Variants in PEAR1 observed in about 807,000 individuals in gnomAD.
PEAR1 encodes the protein multiple EGF-like domains protein 12.
Under a neutral mutation model 131.2 loss-of-function variants are expected in PEAR1, and 113 were observed. That is an observed-to-expected ratio of 0.86 (90% CI 0.74 to 1.01). The LOEUF (loss-of-function observed/expected upper bound fraction) is 1.01. PEAR1 is among the 50% of genes least tolerant of loss of function. PEAR1 has a pLI of 0.00. For synonymous variants in PEAR1, 565 were observed against 523.3 expected (o/e 1.08, Z -1.09); for missense variants, 1,408 against 1,391.1 (o/e 1.01, Z -0.19).
intron 5 of PEAR1, 77 bp downstream of exon 5, chr1:156,906,445 C>G (rs6664765): frequency 6.4e-7 from 1 of 1,567,730 alleles, no homozygotes; most frequent in Non-Finnish European, 8.7e-7. Context: ...CCCTCCCTAC[C>G]AGGGCACAGG....
intron 3 of PEAR1, 147 bp from the exon 4 acceptor site, chr1:156,905,177 C>T (rs972365712): frequency 1.2e-5 from 13 of 1,050,004 alleles, no homozygotes; most frequent in African/African-American, 6.4e-5. Context: ...GATCGTAGTG[C>T]ACTGCAACCT....
In PEAR1 at chr1:156,910,030, G is replaced by T. The variant is rs149180095; in HGVS notation, c.1600G>T (p.Ala534Ser). The T allele has an allele frequency of 6.2e-7, 1 of 1,613,912 alleles. No homozygotes were observed. The highest frequency in any genetic ancestry group is 1.3e-5 in the African/African-American group (1 of 75,062). Residue 534 changes from alanine to serine, a missense_variant, in exon 13 of 23, where the codon GCC (alanine) becomes TCC (serine). Coordinates refer to ENST00000292357, the MANE Select transcript of PEAR1 (RefSeq NM_001080471.3). The stretch of plus-strand genomic sequence containing the variant: ...GAAGGGGCAGTTTGGAGAAGGTTGT[G>T]CCAGTCGCTGTGACTGTGACCACTC... ...CPKGQFGEGC[A>S]SRCDCDHSDG...
rs529853975 is a variant in PEAR1 at position 156,906,147 on chromosome 1, A to G, written c.308-129A>G. On this transcript the variant is annotated intron_variant, in intron 4 of 22. Transcript: ENST00000292357. ...GTTGCTGCCCCTCAGTCTTTATCTT[A>G]GAGGCAGAATTGGGGCTTGGAGAAC... 3.1e-5 allele frequency: 23 copies of G among 745,118 alleles called. No individual in the cohort carries two copies. The South Asian group carries it at 3.6e-4, about 12-fold the overall frequency. 46.2% of individuals were successfully genotyped at this position (745,118 alleles called of 1,614,324 possible). A position where few individuals can be genotyped will look rare whatever the true frequency, so the allele number is the denominator to read the frequency against.
chr1:156,895,012 A>G (rs923952650), intron 1 of PEAR1, among the ~76,000 whole-genome samples: 3 of 152,070 alleles, frequency 2.0e-5, no homozygotes, highest in African/African-American at 2.4e-5. Flanking sequence ...CAGCCCTCCT[A>G]TCTCCTGTGT....
chr1:156,910,547 G>A (rs1411818545), intron 14 of PEAR1, 71 bp from the exon 15 acceptor site: 1 of 1,582,984 alleles, frequency 6.3e-7, no homozygotes, highest in Non-Finnish European at 8.6e-7. Flanking sequence ...AAGGTGGGAG[G>A]GAGACGGTGG....
chr1:156,906,943 T>A (rs1423196808), intron 6 of PEAR1, 63 bp downstream of exon 6: 3 of 1,541,420 alleles, frequency 1.9e-6, no homozygotes, highest in Non-Finnish European at 2.6e-6. Flanking sequence ...CAGATCTATG[T>A]GGGGAAATGA....
chr1:156,913,657 A>G (rs908345735), intron 20 of PEAR1, 35 bp from the exon 21 acceptor site: 6 of 1,609,604 alleles, frequency 3.7e-6, no homozygotes, highest in Non-Finnish European at 5.1e-6. Context: ...GGGAGGGGAC[A>G]GAGGGCTGAT....
rs1651846723 is a variant in PEAR1 at position 156,916,206 on chromosome 1, C to T, written c.*1408C>T. On this transcript the variant is annotated 3_prime_UTR_variant, in exon 23 of 23. Transcript: ENST00000292357. ...AAGCAGAGAAATTGAAGATTTGTGT[C>T]AACACTGCTTTAAGCAAATCTGTTG... The T allele has an allele frequency of 2.0e-5, 3 of 152,174 alleles. No homozygotes were observed. The highest frequency in any genetic ancestry group is 7.2e-5 in the African/African-American group (3 of 41,430). 9.4% of individuals were successfully genotyped at this position (152,174 alleles called of 1,614,324 possible).
Position 156,908,828 on chromosome 1 carries a change from C to A in PEAR1, c.1289C>A (p.Thr430Lys). 1 of 1,533,482 alleles carries A rather than the reference C, an allele frequency of 6.5e-7. No individual in the cohort carries two copies. Among genetic ancestry groups the A allele is most frequent in the Non-Finnish European group, 8.8e-7 (1 of 1,136,572 alleles). The allele number at this position is 1,533,482 out of a possible 1,614,324, so 95.0% of individuals were successfully genotyped here. The change falls in exon 10 of 23, where the codon ACG becomes AAG. Residue 430 changes from threonine to lysine, a missense_variant and splice_region_variant. Transcript: ENST00000292357. This position sits in a 1 kb window ranked among gnomAD's most constrained non-coding sequence, Gnocchi z 4.2. ...CTCTGTCAGTGCGCGCCGGGTTACA[C>A]GGTGAGGCGCGCCCGGCTGCAAGGA... ...SGLCQCAPGY[T>K]GPHCASLCPP...
chr1:156,899,117 C>T (rs1298713582), intron 1 of PEAR1, among the ~76,000 whole-genome samples: 3 of 152,172 alleles, frequency 2.0e-5, no homozygotes, highest in Non-Finnish European at 4.4e-5. Flanking sequence ...CTTTGCAGGG[C>T]CCTGAGAGAT....
chr1:156,911,045 C>CTT (rs1491291311), intron 15 of PEAR1, among the ~76,000 whole-genome samples: 128 of 97,870 alleles, frequency 1.3e-3, no homozygotes, highest in Non-Finnish European at 2.1e-3. Context: ...CTTTTTCTTT[C>CTT]TTTCTTTCTT....
intron 1 of PEAR1, among the ~76,000 whole-genome samples, chr1:156,899,864 C>T (rs919428775): frequency 4.6e-5 from 7 of 152,116 alleles, no homozygotes; most frequent in Non-Finnish European, 8.8e-5. Flanking sequence ...TGCTACATGA[C>T]TTCCCAGAGA....
At position 156,908,410 on chromosome 1, in the gene PEAR1, C is replaced by G. The variant is rs1057514390; in HGVS notation, c.1115+70C>G. 44 of 1,433,568 alleles carry G rather than the reference C, an allele frequency of 3.1e-5. No homozygotes were observed. The highest frequency in any genetic ancestry group is 3.9e-5 in the Non-Finnish European group (42 of 1,085,552). 88.8% of individuals were successfully genotyped at this position (1,433,568 alleles called of 1,614,324 possible). On this transcript the variant is annotated intron_variant, in intron 9 of 22. Coordinates refer to ENST00000292357, the MANE Select transcript of PEAR1 (RefSeq NM_001080471.3). The surrounding 1 kb of genome is among the most constrained non-coding windows in gnomAD (Gnocchi z 4.2). ...GAGGTCTTCCTGGCCGAAGTCACCA[C>G]AGAGCCAGGGCCATATCCAAGGGGG...
At chr1:156,913,084 G>A (rs571969363) in intron 18 of PEAR1, 102 bp downstream of exon 18, 298 of 1,552,112 alleles carry the variant, frequency 1.9e-4, no homozygotes, top group Middle Eastern at 1.5e-3. Flanking sequence ...GTGGGGAGGA[G>A]GGAGGAAGGG....
chr1:156,905,346 C>T lies in PEAR1; in HGVS notation c.229C>T (p.Arg77Cys), dbSNP rs1199224129. ...QPTVVYRTVYRQVVKTDHRQR... is the reference protein window; with the variant it reads ...QPTVVYRTVYCQVVKTDHRQR... ...CAGGGTTGTATACCGGACCGTGTAC[C>T]GTCAGGTGGTGAAGACGGACCACCG... Residue 77 changes from arginine to cysteine, a missense_variant, in exon 4 of 23, where the codon CGT becomes TGT. Arg to Cys is a radical substitution (Grantham distance 180). Transcript: ENST00000292357. 8 of 1,612,050 alleles carry T rather than the reference C, an allele frequency of 5.0e-6. No individual in the cohort carries two copies. Among genetic ancestry groups the T allele is most frequent in the East Asian group, 2.2e-5 (1 of 44,872 alleles).
At chr1:156,899,836 A>G (rs1261897335) in intron 1 of PEAR1, among the ~76,000 whole-genome samples, 3 of 152,024 alleles carry the variant, frequency 2.0e-5, no homozygotes, top group Admixed American at 1.3e-4. Context: ...GGGGGTGCAG[A>G]GGTGAGGGGT....
At position 156,915,056 on chromosome 1, in the gene PEAR1, G is replaced by A. The variant is rs1426701635; in HGVS notation, c.*258G>A. On this transcript the variant is annotated 3_prime_UTR_variant, in exon 23 of 23. Coordinates refer to ENST00000292357, the MANE Select transcript of PEAR1 (RefSeq NM_001080471.3). ...GGGCCCTGTGTACATAAACTGGTGG[G>A]TTGGAAGTTGCTGGGTAACTCTGAT... The A allele has an allele frequency of 2.3e-6, 1 of 436,078 alleles. No individual in the cohort carries two copies. Among genetic ancestry groups the A allele is most frequent in the Admixed American group, 4.3e-5 (1 of 23,502 alleles). 27.0% of individuals were successfully genotyped at this position (436,078 alleles called of 1,614,324 possible). A position where few individuals can be genotyped will look rare whatever the true frequency, so the allele number is the denominator to read the frequency against.
intron 1 of PEAR1, among the ~76,000 whole-genome samples, chr1:156,901,239 C>A (rs545918002): frequency 6.6e-5 from 10 of 152,312 alleles, no homozygotes; most frequent in African/African-American, 2.2e-4. Flanking sequence ...CCTACCCACC[C>A]TTCCAGCCAG....
intron 1 of PEAR1, among the ~76,000 whole-genome samples, chr1:156,899,583 C>T (rs1048630754): frequency 4.6e-5 from 7 of 152,082 alleles, no homozygotes; most frequent in Admixed American, 3.3e-4. Context: ...CCCAAAGGCG[C>T]CAAGGGGAGG....
Sources: gnomAD v4.1 joint callset for allele counts (sites outside exome capture counted in the v4.1 genomes callset) on GRCh38, gnomAD v4.1.1 for gene constraint, Gnocchi (gnomAD v3.1) non-coding constraint, MANE v1.5 for transcripts, NCBI Gene and HGNC (gene_info 2026-07-23, HGNC 2026-07-21) for gene names.